Variants in ITGAE observed in about 807,000 individuals in gnomAD.
The protein encoded by ITGAE is integrin subunit alpha E.
ITGAE carries 99 observed loss-of-function variants against 136.5 expected under a neutral mutation model. The ratio of observed to expected loss-of-function variants is 0.73; its 90% CI spans 0.62 to 0.86. The LOEUF is 0.86. Among genes scored for constraint, ITGAE ranks in the 40% least tolerant of loss-of-function variants. The pLI is 0.00. For missense variants in ITGAE, 1,447 were observed against 1,515.3 expected, an observed-to-expected ratio of 0.95 and a Z score of 0.75; for synonymous variants, 613 against 591.8, an observed-to-expected ratio of 1.04 and a Z score of -0.52.
chr17:3,721,166 C>T (rs11653484), intron 28 of ITGAE, among the ~76,000 whole-genome samples: 24,272 of 151,108 alleles, frequency 0.16, 2,321 homozygotes, highest in Non-Finnish European at 0.22. Context: ...TGGGCTCAAG[C>T]AATCCACCCA....
chr17:3,725,981 A>G (rs781342338), intron 26 of ITGAE: 39 of 1,613,810 alleles, frequency 2.4e-5, no homozygotes, highest in African/African-American at 8.0e-5. Flanking sequence ...GTGGGTTGCA[A>G]GTGAGCATCA....
intron 3 of ITGAE, among the ~76,000 whole-genome samples, chr17:3,762,625 T>C (rs1024875935): frequency 1.4e-4 from 19 of 132,724 alleles, no homozygotes; most frequent in Admixed American, 4.3e-4. Flanking sequence ...TGAGACAGAG[T>C]CTTGCTCTGT....
chr17:3,763,508 A>T (rs1382340285), intron 3 of ITGAE, among the ~76,000 whole-genome samples: 1 of 152,200 alleles, frequency 6.6e-6, no homozygotes, highest in Non-Finnish European at 1.5e-5. Flanking sequence ...GAACTTTGTC[A>T]TACTGGCAAC....
chr17:3,732,474 A>C lies in ITGAE; in HGVS notation c.2656-8T>G, dbSNP rs3744678. The C allele has an allele frequency of 0.24, 383,274 of 1,609,262 alleles. 52,921 individuals are homozygous for C. The highest frequency in any genetic ancestry group is 0.6 in the African/African-American group (44,754 of 74,826). On this transcript the variant is annotated splice_region_variant and splice_polypyrimidine_tract_variant and intron_variant, in intron 21 of 30. Coordinates refer to ENST00000263087, the MANE Select transcript of ITGAE (RefSeq NM_002208.5). Reference sequence around the variant, plus strand: ...AATGTTTGGAGAGGGAGGCTGTTAAAAGAGCAGATGACATTCTCTTAAAGA... The same window carrying C: ...AATGTTTGGAGAGGGAGGCTGTTAACAGAGCAGATGACATTCTCTTAAAGA...
intron 1 of ITGAE, among the ~76,000 whole-genome samples, chr17:3,794,900 A>G (rs551930086): frequency 2.6e-4 from 40 of 152,244 alleles, no homozygotes; most frequent in Middle Eastern, 3.4e-3. Context: ...AGCAAAGTCC[A>G]GTCTCCTCTC....
chr17:3,755,308 G>A (rs1367464174), intron 11 of ITGAE, 47 bp from the exon 12 acceptor site: 2 of 1,488,768 alleles, frequency 1.3e-6, no homozygotes, highest in South Asian at 2.6e-5. Flanking sequence ...GGGACCCAAG[G>A]CCGGGCCACG....
intron 1 of ITGAE, among the ~76,000 whole-genome samples, chr17:3,795,648 G>A (rs2053047789): frequency 6.6e-6 from 1 of 152,244 alleles, no homozygotes; most frequent in Non-Finnish European, 1.5e-5. Context: ...ATGGCCTCAA[G>A]AAGCTGGGCA....
At chr17:3,720,043 TAATC>T (rs2051019015) in intron 29 of ITGAE, among the ~76,000 whole-genome samples, 1 of 152,150 alleles carries the variant, frequency 6.6e-6, no homozygotes, top group African/African-American at 2.4e-5. Context: ...TTTTTTTTTT[TAATC>T]AATCCATTTT....
chr17:3,753,180 C>T, intron 14 of ITGAE, 110 bp downstream of exon 14: 1 of 1,242,684 alleles, frequency 8.0e-7, no homozygotes, highest in East Asian at 2.5e-5. Flanking sequence ...ACCTCCCCAT[C>T]ACTGCCCACT....
chr17:3,750,594 A>G, intron 15 of ITGAE, 112 bp from the exon 16 acceptor site: 1 of 1,301,248 alleles, frequency 7.7e-7, no homozygotes, highest in Non-Finnish European at 1.1e-6. Context: ...AGCCCCAGGG[A>G]GCCCCGAGTC....
chr17:3,796,148 C>CGTGTGTGTGTGCATCCGTGT (rs1567565760), intron 1 of ITGAE, among the ~76,000 whole-genome samples: 12 of 130,294 alleles, frequency 9.2e-5, no homozygotes, highest in Non-Finnish European at 1.6e-4. Flanking sequence ...TGTGTGCATC[C>CGTGTGTGTGTGCATCCGTGT]GTGTGTGTGT....
intron 1 of ITGAE, among the ~76,000 whole-genome samples, chr17:3,784,021 G>A (rs973966909): frequency 2.6e-5 from 4 of 152,346 alleles, no homozygotes; most frequent in African/African-American, 7.2e-5. Context: ...AGCACTTTGG[G>A]AGGCCGAGGC....
At chr17:3,760,545 T>A (rs375526785) in intron 6 of ITGAE, among the ~76,000 whole-genome samples, 1 of 139,376 alleles carries the variant, frequency 7.2e-6, no homozygotes. Flanking sequence ...GTTCAAGCAA[T>A]CCTCCTGCCT....
At chr17:3,750,305 T>G in intron 16 of ITGAE, 47 bp downstream of exon 16, 1 of 1,607,892 alleles carries the variant, frequency 6.2e-7, no homozygotes, top group Non-Finnish European at 8.5e-7. Context: ...GCAGGGCAAA[T>G]GGGTGAGGCT....
At chr17:3,734,043 C>T (rs1014891837) in intron 21 of ITGAE, among the ~76,000 whole-genome samples, 4 of 152,288 alleles carry the variant, frequency 2.6e-5, no homozygotes, top group East Asian at 1.9e-4. Context: ...TAATTACCGA[C>T]GTAACTACTT....
chr17:3,716,168 C>T (rs537221969), intron 30 of ITGAE, among the ~76,000 whole-genome samples: 1 of 105,682 alleles, frequency 9.5e-6, no homozygotes, highest in Non-Finnish European at 2.0e-5. Context: ...GGAACTCCGT[C>T]TCAAAAAAAA....
intron 3 of ITGAE, among the ~76,000 whole-genome samples, chr17:3,762,535 C>T (rs2052198531): frequency 6.6e-6 from 1 of 151,374 alleles, no homozygotes; most frequent in Non-Finnish European, 1.5e-5. Flanking sequence ...ATCACTCAGT[C>T]AACCCTGCTG....
At chr17:3,786,022 C>A (rs951856907) in intron 1 of ITGAE, among the ~76,000 whole-genome samples, 1 of 151,758 alleles carries the variant, frequency 6.6e-6, no homozygotes, top group Non-Finnish European at 1.5e-5. Context: ...AAAAAATTAG[C>A]CGGGCGTGGT....
At chr17:3,721,199 G>A (rs2051042731) in intron 28 of ITGAE, among the ~76,000 whole-genome samples, 1 of 146,972 alleles carries the variant, frequency 6.8e-6, no homozygotes, top group Non-Finnish European at 1.5e-5. Context: ...ACAGTGCTGA[G>A]ATTACAGGCA....
Sources: gnomAD v4.1 joint callset for allele counts (sites outside exome capture counted in the v4.1 genomes callset) on GRCh38, gnomAD v4.1.1 for gene constraint, MANE v1.5 for transcripts, NCBI Gene and HGNC (gene_info 2026-07-23, HGNC 2026-07-21) for gene names.